GBE1: variants seen among roughly 807,000 people sequenced by gnomAD.
GBE1 encodes 1,4-alpha-glucan-branching enzyme.
A neutral mutation model predicts 88.8 loss-of-function variants in GBE1; 70 were observed. That is an observed-to-expected ratio of 0.79 (90% confidence interval 0.65 to 0.96). The LOEUF is 0.96. Ranked by LOEUF, GBE1 falls within the 40% of genes least tolerant of loss-of-function variation. GBE1 has a pLI of 0.00. For missense variants in GBE1, 872 were observed against 871.0 expected, an observed-to-expected ratio of 1.00 and a Z score of -0.01; for synonymous variants, 284 against 300.1, an observed-to-expected ratio of 0.95 and a Z score of 0.56.
At chr3:81,571,141 C>T (rs183788511) in intron 12 of GBE1, among the ~76,000 whole-genome samples, 24 of 152,312 alleles carry the variant, frequency 1.6e-4, no homozygotes, top group South Asian at 4.1e-4. Flanking sequence ...TTCCAGGAGT[C>T]TGACTTCCTA....
intron 1 of GBE1, among the ~76,000 whole-genome samples, chr3:81,724,585 T>C (rs1706081391): frequency 6.6e-6 from 1 of 152,158 alleles, no homozygotes; most frequent in South Asian, 2.1e-4. Flanking sequence ...AAATTTCTAT[T>C]TCCCGTTTCC....
At chr3:81,705,940 G>C (rs1322228476) in intron 1 of GBE1, among the ~76,000 whole-genome samples, 1 of 152,070 alleles carries the variant, frequency 6.6e-6, no homozygotes, top group African/African-American at 2.4e-5. Context: ...TAATGGAACA[G>C]AATCTCTACA....
At chr3:81,713,279 AT>A in intron 1 of GBE1, among the ~76,000 whole-genome samples, 2 of 152,206 alleles carry the variant, frequency 1.3e-5, no homozygotes, top group Non-Finnish European at 2.9e-5. Flanking sequence ...TGAGTAGTAC[AT>A]TTTGACAGCT....
chr3:81,518,746 T>A (rs1702832120), intron 14 of GBE1, among the ~76,000 whole-genome samples: 1 of 151,490 alleles, frequency 6.6e-6, no homozygotes, highest in African/African-American at 2.4e-5. Flanking sequence ...AAAGCTATTT[T>A]AAAAAAGGAG....
At chr3:81,657,950 A>C (rs2107090640) in intron 3 of GBE1, among the ~76,000 whole-genome samples, 1 of 152,274 alleles carries the variant, frequency 6.6e-6, no homozygotes, top group South Asian at 2.1e-4. Context: ...ATATTATGCA[A>C]GACTGGACAC....
chr3:81,709,151 G>C (rs1044939445), intron 1 of GBE1, among the ~76,000 whole-genome samples: 1 of 152,036 alleles, frequency 6.6e-6, no homozygotes, highest in Non-Finnish European at 1.5e-5. Context: ...AATTATTCAA[G>C]AACATAAAAA....
rs150126465 is a variant in GBE1 at position 81,591,505 on chromosome 3, A to G, written c.1109-341T>C. 1.1e-4 allele frequency among the ~76,000 whole-genome samples: 16 copies of G among 152,300 alleles called. No individual in the cohort carries two copies. The East Asian group carries it at 3.1e-3, about 29-fold the overall frequency. Reference sequence around the variant, plus strand: ...TAATTGTCAATACATTTTCTGTCACATTAAGATGTTAATGTTAGTTTGTAT... The same window carrying G: ...TAATTGTCAATACATTTTCTGTCACGTTAAGATGTTAATGTTAGTTTGTAT... On this transcript the variant is annotated intron_variant, in intron 8 of 15. Transcript: ENST00000429644.
chr3:81,629,869 C>T (rs1704481331), intron 7 of GBE1, among the ~76,000 whole-genome samples: 1 of 149,658 alleles, frequency 6.7e-6, no homozygotes, highest in African/African-American at 2.5e-5. Context: ...CTCCCGCCTC[C>T]CCCCACCCCA....
At chr3:81,716,652 T>C (rs1705941102) in intron 1 of GBE1, among the ~76,000 whole-genome samples, 1 of 152,196 alleles carries the variant, frequency 6.6e-6, no homozygotes, top group African/African-American at 2.4e-5. Context: ...GGAAATACTA[T>C]CACGTTTAAT....
intron 1 of GBE1, among the ~76,000 whole-genome samples, chr3:81,731,680 TC>T (rs1280830213): frequency 6.6e-6 from 1 of 152,012 alleles, no homozygotes; most frequent in Non-Finnish European, 1.5e-5. Flanking sequence ...TCTCATGAGA[TC>T]TGGTTGTTTT....
intron 1 of GBE1, among the ~76,000 whole-genome samples, chr3:81,726,289 G>A (rs1706110921): frequency 6.6e-6 from 1 of 152,022 alleles, no homozygotes; most frequent in Admixed American, 6.6e-5. Flanking sequence ...GGAGAATGAA[G>A]ATGAGTACGT....
chr3:81,525,436 T>G (rs781512196), intron 14 of GBE1, among the ~76,000 whole-genome samples: 5 of 152,130 alleles, frequency 3.3e-5, no homozygotes, highest in Non-Finnish European at 7.4e-5. Flanking sequence ...GGTTTGCCAG[T>G]ATTTTATTGA....
intron 1 of GBE1, among the ~76,000 whole-genome samples, chr3:81,724,345 T>C (rs1364742730): frequency 6.6e-6 from 1 of 152,184 alleles, no homozygotes; most frequent in African/African-American, 2.4e-5. Context: ...ATTTAAAAGA[T>C]GGAAATGCTT....
At chr3:81,683,543 G>A (rs1461960967) in intron 2 of GBE1, among the ~76,000 whole-genome samples, 1 of 152,098 alleles carries the variant, frequency 6.6e-6, no homozygotes, top group African/African-American at 2.4e-5. Context: ...ATAAACAACA[G>A]GCTTTTTACT....
At chr3:81,587,070 G>C (rs1180654230) in intron 9 of GBE1, among the ~76,000 whole-genome samples, 4 of 152,068 alleles carry the variant, frequency 2.6e-5, no homozygotes, top group Non-Finnish European at 5.9e-5. Context: ...CCAAAGTGCT[G>C]CGACAACAGG....
chr3:81,600,841 C>T (rs762183455), intron 7 of GBE1, among the ~76,000 whole-genome samples: 2 of 151,888 alleles, frequency 1.3e-5, no homozygotes, highest in African/African-American at 2.4e-5. Context: ...ACTAGCTGTA[C>T]AGCAATTGAG....
At chr3:81,757,166 C>T (rs1256937200) in intron 1 of GBE1, among the ~76,000 whole-genome samples, 1 of 152,084 alleles carries the variant, frequency 6.6e-6, no homozygotes, top group Non-Finnish European at 1.5e-5. Flanking sequence ...ATTTATTTTA[C>T]TGGTATTCTG....
intron 14 of GBE1, among the ~76,000 whole-genome samples, chr3:81,529,724 G>A (rs1702989563): frequency 6.6e-6 from 1 of 151,888 alleles, no homozygotes; most frequent in East Asian, 1.9e-4. Context: ...ATTTTCTCTT[G>A]CTGCTTTTAG....
intron 9 of GBE1, 127 bp from the exon 10 acceptor site, chr3:81,586,317 G>T: frequency 1.6e-6 from 1 of 610,772 alleles, no homozygotes; most frequent in Non-Finnish European, 2.8e-6. Context: ...TAACATAAAA[G>T]TCGATAAAAT....
Sources: gnomAD v4.1 joint callset for allele counts (sites outside exome capture counted in the v4.1 genomes callset) on GRCh38, gnomAD v4.1.1 for gene constraint, MANE v1.5 for transcripts, NCBI Gene and HGNC (gene_info 2026-07-23, HGNC 2026-07-21) for gene names.